ADGRL2: variants seen among roughly 807,000 people sequenced by gnomAD.
ADGRL2 encodes the protein calcium-independent alpha-latrotoxin receptor 2.
ADGRL2 carries 44 observed loss-of-function variants against 157.4 expected under a neutral mutation model. That is an observed-to-expected ratio of 0.28 (90% CI 0.22 to 0.36). The LOEUF is 0.36. ADGRL2 is among the 10% of genes least tolerant of loss of function. The probability of loss-of-function intolerance (pLI) is 1.00; values close to 1 mark genes in which losing one functional copy is unlikely to be tolerated. For missense variants in ADGRL2, 1,510 were observed against 1,768.9 expected, an observed-to-expected ratio of 0.85 and a Z score of 2.63; for synonymous variants, 585 against 624.7, an observed-to-expected ratio of 0.94 and a Z score of 0.95.
At chr1:81,467,682 G>A (rs1446427166) in intron 2 of ADGRL2, among the ~76,000 whole-genome samples, 1 of 152,076 alleles carries the variant, frequency 6.6e-6, no homozygotes, top group Non-Finnish European at 1.5e-5. Flanking sequence ...TGGTACTTTT[G>A]TGAGCAAGAT....
At chr1:81,655,426 C>T (rs1277238185) in intron 3 of ADGRL2, among the ~76,000 whole-genome samples, 1 of 152,112 alleles carries the variant, frequency 6.6e-6, no homozygotes, top group Non-Finnish European at 1.5e-5. Context: ...GAATTCAAAC[C>T]CACATATGTC....
intron 2 of ADGRL2, 69 bp from the exon 3 acceptor site, chr1:81,906,945 GAAA>G: frequency 8.2e-7 from 1 of 1,217,414 alleles, no homozygotes; most frequent in Non-Finnish European, 1.2e-6. Flanking sequence ...CATATTACTT[GAAA>G]ATGCTTTACT....
At chr1:81,825,602 C>CCCAAAGTG (rs1377780036) in intron 1 of ADGRL2, among the ~76,000 whole-genome samples, 1 of 147,854 alleles carries the variant, frequency 6.8e-6, no homozygotes, top group Non-Finnish European at 1.5e-5. Flanking sequence ...ATCTTGGCCT[C>CCCAAAGTG]CCAAAGTGCT....
intron 2 of ADGRL2, chr1:81,557,035 A>AT (rs59950589): frequency 1.1e-5 from 2 of 177,288 alleles, no homozygotes; most frequent in Non-Finnish European, 2.3e-5. Context: ...AAAAAAAAAA[A>AT]GAAAGAAAGA....
intron 13 of ADGRL2, among the ~76,000 whole-genome samples, chr1:81,967,480 C>A (rs143369971): frequency 0.014 from 2,097 of 152,190 alleles, 18 homozygotes; most frequent in Non-Finnish European, 0.021. Flanking sequence ...CCAGGATGGT[C>A]TCGATCTTCT....
intron 16 of ADGRL2, among the ~76,000 whole-genome samples, chr1:81,971,166 T>C (rs1022662120): frequency 6.6e-6 from 1 of 152,146 alleles, no homozygotes; most frequent in Non-Finnish European, 1.5e-5. Flanking sequence ...ATTAGTTATA[T>C]AAAGATTCTT....
intron 2 of ADGRL2, among the ~76,000 whole-genome samples, chr1:81,858,342 T>C (rs984943175): frequency 3.9e-5 from 6 of 152,236 alleles, no homozygotes; most frequent in South Asian, 2.1e-4. Context: ...ATTTGATTTA[T>C]TCATGAAGTC....
At chr1:81,534,341 C>T (rs1227881074) in intron 2 of ADGRL2, among the ~76,000 whole-genome samples, 15 of 151,842 alleles carry the variant, frequency 9.9e-5, no homozygotes, top group East Asian at 3.9e-4. Context: ...TTTGTATTTT[C>T]GGTAGAGACG....
intron 1 of ADGRL2, among the ~76,000 whole-genome samples, chr1:81,362,666 A>AT (rs2075999218): frequency 6.6e-6 from 1 of 151,936 alleles, no homozygotes; most frequent in Admixed American, 6.6e-5. Context: ...TATTCCTTGT[A>AT]TTGGTCCTTA....
chr1:81,718,212 G>A (rs12723472), intron 1 of ADGRL2, among the ~76,000 whole-genome samples: 12,521 of 152,152 alleles, frequency 0.082, 560 homozygotes, highest in South Asian at 0.14. Context: ...TAGAGACAGG[G>A]TTTCACCATG....
At chr1:81,489,909 C>G (rs1466271312) in intron 2 of ADGRL2, among the ~76,000 whole-genome samples, 1 of 152,048 alleles carries the variant, frequency 6.6e-6, no homozygotes, top group Non-Finnish European at 1.5e-5. Context: ...GTTAGATAAA[C>G]AAAAGCTAAG....
chr1:81,556,623 A>AG (rs2080286551), intron 2 of ADGRL2, among the ~76,000 whole-genome samples: 1 of 152,196 alleles, frequency 6.6e-6, no homozygotes, highest in Admixed American at 6.5e-5. Flanking sequence ...CCAAAAAAAA[A>AG]AAAATTTTTT....
At chr1:81,928,830 G>C (rs971832638) in intron 3 of ADGRL2, among the ~76,000 whole-genome samples, 1 of 151,766 alleles carries the variant, frequency 6.6e-6, no homozygotes, top group African/African-American at 2.4e-5. Flanking sequence ...TGATACCTTG[G>C]TACCTTGGAA....
At chr1:81,618,414 A>C (rs2148700611) in intron 3 of ADGRL2, among the ~76,000 whole-genome samples, 1 of 152,314 alleles carries the variant, frequency 6.6e-6, no homozygotes, top group South Asian at 2.1e-4. Flanking sequence ...AAAGTTTCCC[A>C]TGTAATGTCA....
Position 81,322,891 on chromosome 1 carries a change from T to C in ADGRL2, c.-302+16382T>C, listed in dbSNP as rs181594404. On this transcript the variant is annotated intron_variant, in intron 1 of 24. Transcript: ENST00000370721. The stretch of plus-strand genomic sequence containing the variant: ...TTTGTTTGTTGAGACACGGCCTCAC[T>C]CTGTTGCCCAGGCTGGAGTGCAGTG... Among the ~76,000 whole-genome samples the C allele has an allele frequency of 1.7e-3, 258 of 151,534 alleles. 2 individuals carry two copies. The highest frequency in any genetic ancestry group is 5.2e-3 in the African/African-American group (211 of 40,840).
intron 1 of ADGRL2, among the ~76,000 whole-genome samples, chr1:81,410,259 A>G (rs968727401): frequency 2.0e-5 from 3 of 152,254 alleles, no homozygotes; most frequent in Non-Finnish European, 4.4e-5. Context: ...ACCTTTAAAA[A>G]GTAAAGAGTT....
At chr1:81,498,147 G>A (rs1231325706) in intron 2 of ADGRL2, among the ~76,000 whole-genome samples, 3 of 152,196 alleles carry the variant, frequency 2.0e-5, no homozygotes, top group African/African-American at 4.8e-5. Context: ...AGACAGTAAT[G>A]TTGGTAATTA....
intron 11 of ADGRL2, among the ~76,000 whole-genome samples, chr1:81,958,107 A>T (rs554222626): frequency 2.6e-5 from 4 of 151,172 alleles, no homozygotes; most frequent in African/African-American, 7.3e-5. Flanking sequence ...TGTACAAAAA[A>T]TTAGCCAGGC....
At chr1:81,399,581 T>C (rs1331657138) in intron 1 of ADGRL2, among the ~76,000 whole-genome samples, 1 of 152,166 alleles carries the variant, frequency 6.6e-6, no homozygotes. Context: ...AAAATCTCTA[T>C]TATATTTTTT....
Sources: allele counts gnomAD v4.1 joint callset (sites outside exome capture counted in the v4.1 genomes callset), GRCh38; gene constraint gnomAD v4.1.1; transcripts MANE v1.5; gene names NCBI Gene and HGNC (gene_info 2026-07-23, HGNC 2026-07-21).